The following GDF5 variants were observed in gnomAD, a reference collection of about 807,000 sequenced individuals.
The protein encoded by GDF5 is growth differentiation factor 5.
In GDF5, 17 loss-of-function variants were observed where a neutral mutation model predicts 34.6. The ratio of observed to expected loss-of-function variants is 0.49; its 90% CI spans 0.34 to 0.74. The LOEUF is 0.74. Among genes scored for constraint, GDF5 ranks in the 30% least tolerant of loss-of-function variants. GDF5 has a pLI of 0.01. For synonymous variants in GDF5, 332 were observed against 290.7 expected (o/e 1.14, Z -1.44); for missense variants, 616 against 661.2 (o/e 0.93, Z 0.75).
In GDF5 at chr20:35,438,018, G is replaced by A; in HGVS notation, c.-90C>T. ...GGCAGGAAAAACCATGAAAGGAGTGGACTTTCAAAAGCAGCGGCAGCAGCA... is the reference window on the plus strand; with the variant it reads ...GGCAGGAAAAACCATGAAAGGAGTGAACTTTCAAAAGCAGCGGCAGCAGCA... On this transcript the variant is annotated 5_prime_UTR_variant, in exon 1 of 2. Coordinates refer to ENST00000374369, the MANE Select transcript of GDF5 (RefSeq NM_000557.5). 1 of 1,469,620 alleles carries A rather than the reference G, an allele frequency of 6.8e-7. No individual in the cohort carries two copies. The highest frequency in any genetic ancestry group is 9.4e-7 in the Non-Finnish European group (1 of 1,063,060). The allele number at this position is 1,469,620 out of a possible 1,614,324, so 91.0% of individuals were successfully genotyped here. A position where few individuals can be genotyped will look rare whatever the true frequency, so the allele number is the denominator to read the frequency against.
upstream of GDF5, among the ~76,000 whole-genome samples, chr20:35,440,700 G>C (rs1301469616): frequency 6.6e-6 from 1 of 152,124 alleles, no homozygotes; most frequent in East Asian, 1.9e-4. Context: ...TCCCAACACA[G>C]TTTGTTTCTT....
intron 1 of GDF5, among the ~76,000 whole-genome samples, chr20:35,454,315 G>A (rs2062556300): frequency 1.3e-5 from 2 of 152,096 alleles, no homozygotes; most frequent in Admixed American, 6.5e-5. Flanking sequence ...TTAGCCGGGC[G>A]TGGTGGCGGG....
rs1278080709 is a variant in GDF5, at chr20:35,437,590, T to A, written c.339A>T (p.Gln113His). 1 of 1,614,118 alleles carries A rather than the reference T, an allele frequency of 6.2e-7. No homozygotes were observed. Among genetic ancestry groups the A allele is most frequent in the Non-Finnish European group, 8.5e-7 (1 of 1,180,024 alleles). ...GPEPKPGHPP[Q>H]TRQATARTVT... ...CAGTCCGGGCTGTAGCCTGCCTTGT[T>A]TGGGGAGGGTGTCCTGGCTTGGGTT... The change falls in exon 1 of 2, where the codon CAA becomes CAT. Residue 113 changes from glutamine to histidine, a missense_variant. Coordinates refer to ENST00000374369, the MANE Select transcript of GDF5 (RefSeq NM_000557.5).
upstream of GDF5, among the ~76,000 whole-genome samples, chr20:35,438,824 C>T (rs866404891): frequency 0.014 from 1,825 of 126,480 alleles, 35 homozygotes; most frequent in African/African-American, 0.046. Context: ...ATTTGTTATG[C>T]GTGTGTGTGT....
At chr20:35,449,731 C>T (rs912331406) in intron 1 of GDF5, among the ~76,000 whole-genome samples, 7 of 152,132 alleles carry the variant, frequency 4.6e-5, no homozygotes, top group Admixed American at 6.6e-5. Flanking sequence ...AGCCTATAAT[C>T]CCAGCACTTT....
intron 1 of GDF5, among the ~76,000 whole-genome samples, chr20:35,449,920 T>C (rs746292609): frequency 1.3e-5 from 2 of 148,512 alleles, no homozygotes; most frequent in African/African-American, 2.5e-5. Context: ...GCCCAGGAGA[T>C]TGAAGCTGCA....
intron 1 of GDF5, among the ~76,000 whole-genome samples, chr20:35,448,520 T>C (rs1268810085): frequency 1.6e-5 from 2 of 125,526 alleles, no homozygotes; most frequent in African/African-American, 6.0e-5. Flanking sequence ...CTTGGCTCAC[T>C]GTAACCTCCT....
chr20:35,451,582 CTT>C (rs750856510), intron 1 of GDF5, among the ~76,000 whole-genome samples: 16 of 131,764 alleles, frequency 1.2e-4, no homozygotes, highest in African/African-American at 2.4e-4. Context: ...TTTTTTTTTC[CTT>C]TTTTTTTTTT....
At chr20:35,453,810 G>T in intron 1 of GDF5, 1 of 450,728 alleles carries the variant, frequency 2.2e-6, no homozygotes. Flanking sequence ...TGTTTCACTC[G>T]AGCTATCCAC....
At chr20:35,444,642 T>A (rs1300080000) in intron 1 of GDF5, among the ~76,000 whole-genome samples, 2 of 152,240 alleles carry the variant, frequency 1.3e-5, no homozygotes, top group Non-Finnish European at 2.9e-5. Flanking sequence ...TTGCCCATGC[T>A]GGAGTGCAAT....
chr20:35,450,600 G>A (rs1485483150), intron 1 of GDF5, among the ~76,000 whole-genome samples: 1 of 152,020 alleles, frequency 6.6e-6, no homozygotes, highest in Non-Finnish European at 1.5e-5. Flanking sequence ...AAAGCATCAT[G>A]GGGTGCTTTT....
intron 1 of GDF5, among the ~76,000 whole-genome samples, chr20:35,445,334 C>T (rs1308345376): frequency 6.6e-6 from 1 of 151,962 alleles, no homozygotes; most frequent in African/African-American, 2.4e-5. Flanking sequence ...AGTTCGAGAC[C>T]AGCCTGGGCA....
Position 35,451,066 on chromosome 20 carries a change from T to TATATATATATAA in GDF5, c.-398+3573_-398+3574insTTATATATATAT, listed in dbSNP as rs2062530696. Among the ~76,000 whole-genome samples, 4 of 19,348 alleles carry TATATATATATAA rather than the reference T, an allele frequency of 2.1e-4. 1 individual carries two copies. The highest frequency in any genetic ancestry group is 3.4e-4 in the Non-Finnish European group (4 of 11,596). The allele number at this position is 19,348 out of a possible 152,430, so 12.7% of individuals were successfully genotyped here. The stretch of plus-strand genomic sequence containing the variant: ...AGAAAAAAAAAAAAAAAAAAAAAAA[T>TATATATATATAA]ATATATATATATATATATATATATA... On this transcript the variant is annotated intron_variant, in intron 1 of 3. Coordinates refer to the GDF5 transcript ENST00000374372.
chr20:35,449,087 T>C (rs907305993), intron 1 of GDF5, among the ~76,000 whole-genome samples: 8 of 152,146 alleles, frequency 5.3e-5, no homozygotes, highest in African/African-American at 1.7e-4. Flanking sequence ...TGCTGTGCCT[T>C]TGCACATGCT....
intron 1 of GDF5, among the ~76,000 whole-genome samples, chr20:35,444,883 G>A (rs966311665): frequency 1.3e-5 from 2 of 151,978 alleles, no homozygotes; most frequent in East Asian, 1.9e-4. Flanking sequence ...ATGGGCCACC[G>A]CACCCCGTCT....
At chr20:35,435,031 T>C in intron 1 of GDF5, 1 of 632,216 alleles carries the variant, frequency 1.6e-6, no homozygotes, top group South Asian at 1.9e-5. Flanking sequence ...GTGATTCTGG[T>C]GTTTGTGTCA....
intron 1 of GDF5, chr20:35,435,091 T>C: frequency 1.7e-6 from 1 of 604,914 alleles, no homozygotes; most frequent in East Asian, 2.8e-5. Flanking sequence ...GCCTTCTACC[T>C]ATCTCTCTCC....
chr20:35,439,779 C>G (rs57827048), upstream of GDF5, among the ~76,000 whole-genome samples: 266 of 152,212 alleles, frequency 1.7e-3, 1 homozygote, highest in African/African-American at 6.2e-3. Context: ...GAAAATTTAC[C>G]TCCTTCGGGA....
chr20:35,442,537 C>CT (rs57668486), upstream of GDF5, among the ~76,000 whole-genome samples: 96,529 of 118,922 alleles, frequency 0.81, 40,490 homozygotes, highest in Non-Finnish European at 0.89. Flanking sequence ...TGATACCCGT[C>CT]TTTTTTTTTT....
Sources: gnomAD v4.1 joint callset for allele counts (sites outside exome capture counted in the v4.1 genomes callset) on GRCh38, gnomAD v4.1.1 for gene constraint, MANE v1.5 for transcripts, NCBI Gene and HGNC (gene_info 2026-07-23, HGNC 2026-07-21) for gene names.